The following TAFA2 variants were observed in gnomAD, a reference collection of about 807,000 sequenced individuals.
TAFA2 encodes chemokine-like protein TAFA-2.
Under a neutral mutation model 18.8 loss-of-function variants are expected in TAFA2, and 7 were observed. The ratio of observed to expected loss-of-function variants is 0.37; its 90% CI spans 0.21 to 0.70. TAFA2 has a LOEUF of 0.70. Among genes scored for constraint, TAFA2 ranks in the 30% least tolerant of loss-of-function variants. TAFA2 has a pLI of 0.53. For synonymous variants in TAFA2, 60 were observed against 54.2 expected (o/e 1.11, Z -0.47); for missense variants, 122 against 158.1 (o/e 0.77, Z 1.23).
chr12:62,246,507 T>C (rs1257844935), intron 1 of TAFA2, among the ~76,000 whole-genome samples: 6 of 152,234 alleles, frequency 3.9e-5, no homozygotes, highest in Non-Finnish European at 8.8e-5. Flanking sequence ...CAATATATTA[T>C]CATTAGATCA....
At chr12:61,739,113 C>T (rs777016691) in intron 4 of TAFA2, among the ~76,000 whole-genome samples, 5 of 152,070 alleles carry the variant, frequency 3.3e-5, no homozygotes, top group South Asian at 2.1e-4. Context: ...TCATCATCTC[C>T]CAGATGTGGA....
chr12:61,732,812 T>A (rs191058246), intron 4 of TAFA2, among the ~76,000 whole-genome samples: 61 of 152,118 alleles, frequency 4.0e-4, no homozygotes, highest in African/African-American at 1.3e-3. Flanking sequence ...TGTTTTCAGC[T>A]GACTGATGGG....
At chr12:61,923,053 TC>T (rs1206583557) in intron 1 of TAFA2, among the ~76,000 whole-genome samples, 1 of 152,082 alleles carries the variant, frequency 6.6e-6, no homozygotes, top group East Asian at 1.9e-4. Flanking sequence ...AGATTCCTCC[TC>T]TCTGGGCAGG....
intron 1 of TAFA2, chr12:61,879,877 G>C: frequency 1.1e-6 from 1 of 920,450 alleles, no homozygotes; most frequent in Non-Finnish European, 1.8e-6. Flanking sequence ...AGATCAATAA[G>C]CATACAGAGA....
chr12:61,972,991 C>A (rs372026606), intron 1 of TAFA2, among the ~76,000 whole-genome samples: 1 of 151,622 alleles, frequency 6.6e-6, no homozygotes, highest in Non-Finnish European at 1.5e-5. Flanking sequence ...AATGCTAGTA[C>A]CAGAAAAATA....
intron 1 of TAFA2, among the ~76,000 whole-genome samples, chr12:61,937,963 A>C (rs1877840258): frequency 6.6e-6 from 1 of 152,086 alleles, no homozygotes; most frequent in African/African-American, 2.4e-5. Context: ...AAGAAAAAAA[A>C]CAAATAATCC....
At chr12:61,829,537 ATT>A in intron 2 of TAFA2, among the ~76,000 whole-genome samples, 1 of 151,736 alleles carries the variant, frequency 6.6e-6, no homozygotes, top group Non-Finnish European at 1.5e-5. Context: ...TGCCACAATA[ATT>A]TATATTTAAT....
At chr12:61,859,550 T>TTGCAAGGAGG in intron 2 of TAFA2, among the ~76,000 whole-genome samples, 1 of 152,216 alleles carries the variant, frequency 6.6e-6, no homozygotes, top group African/African-American at 2.4e-5. Flanking sequence ...CTCAAGCGAT[T>TTGCAAGGAGG]CTTCTGCCTC....
At chr12:61,802,371 T>C (rs1871434835) in intron 2 of TAFA2, among the ~76,000 whole-genome samples, 8 of 151,994 alleles carry the variant, frequency 5.3e-5, no homozygotes. Flanking sequence ...TGTCCATCAA[T>C]GGGTGAATGG....
intron 1 of TAFA2, among the ~76,000 whole-genome samples, chr12:61,967,737 A>C (rs1173361420): frequency 1.3e-5 from 2 of 151,886 alleles, no homozygotes; most frequent in Non-Finnish European, 2.9e-5. Flanking sequence ...GGACTGAAAA[A>C]GGAAATCAGA....
At chr12:61,925,236 C>G (rs1303152711) in intron 1 of TAFA2, among the ~76,000 whole-genome samples, 1 of 152,092 alleles carries the variant, frequency 6.6e-6, no homozygotes, top group Non-Finnish European at 1.5e-5. Flanking sequence ...CCAAGCAGAC[C>G]TAATAGACAT....
intron 1 of TAFA2, among the ~76,000 whole-genome samples, chr12:62,008,347 G>C (rs1880625230): frequency 6.6e-6 from 1 of 151,772 alleles, no homozygotes; most frequent in African/African-American, 2.4e-5. Flanking sequence ...TTGATTAAGT[G>C]GTTAAATATC....
intron 1 of TAFA2, among the ~76,000 whole-genome samples, chr12:61,922,795 T>G (rs552600235): frequency 6.6e-6 from 1 of 152,186 alleles, no homozygotes; most frequent in African/African-American, 2.4e-5. Context: ...AGCTGAGTGG[T>G]CTAGCTCAGC....
intron 1 of TAFA2, among the ~76,000 whole-genome samples, chr12:61,921,735 G>C (rs909075128): frequency 6.6e-5 from 10 of 152,152 alleles, no homozygotes; most frequent in African/African-American, 2.4e-4. Flanking sequence ...TTTGCATACT[G>C]ATGTTATTTA....
At chr12:62,152,951 T>C (rs1055565089) in intron 1 of TAFA2, among the ~76,000 whole-genome samples, 1 of 152,224 alleles carries the variant, frequency 6.6e-6, no homozygotes, top group Non-Finnish European at 1.5e-5. Context: ...TGAAACTGCA[T>C]ATACTACCGG....
chr12:61,931,952 C>T (rs1877572861), intron 1 of TAFA2, among the ~76,000 whole-genome samples: 1 of 152,020 alleles, frequency 6.6e-6, no homozygotes, highest in South Asian at 2.1e-4. Context: ...TGTTTTTATC[C>T]CTTACAAATT....
intron 1 of TAFA2, among the ~76,000 whole-genome samples, chr12:62,216,361 G>A (rs1369603304): frequency 6.6e-6 from 1 of 152,178 alleles, no homozygotes; most frequent in Non-Finnish European, 1.5e-5. Context: ...TCCCAAGACA[G>A]TAAATTTTAA....
intron 1 of TAFA2, among the ~76,000 whole-genome samples, chr12:62,106,883 G>GC (rs5798631): frequency 0.94 from 142,892 of 152,182 alleles, 67,349 homozygotes; most frequent in Non-Finnish European, 0.98. Context: ...AAGGATCACC[G>GC]TACCTTTTTT....
intron 2 of TAFA2, among the ~76,000 whole-genome samples, chr12:61,830,265 C>T (rs1872669485): frequency 6.7e-6 from 1 of 149,948 alleles, no homozygotes; most frequent in Non-Finnish European, 1.5e-5. Context: ...TAGTCATCCA[C>T]TGATCAACAC....
Sources: gnomAD v4.1 joint callset for allele counts (sites outside exome capture counted in the v4.1 genomes callset) on GRCh38, gnomAD v4.1.1 for gene constraint, MANE v1.5 for transcripts, NCBI Gene and HGNC (gene_info 2026-07-23, HGNC 2026-07-21) for gene names.